Variants in ARHGAP44 observed in about 807,000 individuals in gnomAD.
ARHGAP44 encodes the protein rho GTPase-activating protein 44.
In ARHGAP44, 43 loss-of-function variants were observed where a neutral mutation model predicts 106.8. That is an observed-to-expected ratio of 0.40 (90% CI 0.32 to 0.52). The LOEUF (loss-of-function observed/expected upper bound fraction) is 0.52, where lower values mean the gene tolerates loss of function less well. ARHGAP44 is among the 20% of genes least tolerant of loss of function. The probability of loss-of-function intolerance (pLI) is 0.48; values close to 1 mark genes in which losing one functional copy is unlikely to be tolerated. For missense variants in ARHGAP44, 866 were observed against 1,050.5 expected (o/e 0.82, Z 2.43); for synonymous variants, 439 against 410.3 (o/e 1.07, Z -0.85).
intron 1 of ARHGAP44, 66 bp downstream of exon 1, chr17:12,789,957 G>A: frequency 7.0e-7 from 1 of 1,424,740 alleles, no homozygotes; most frequent in Non-Finnish European, 9.4e-7. Flanking sequence ...GGGCGCGCAG[G>A]TGATGGAGCC....
chr17:12,831,997 C>A (rs1158465052), intron 1 of ARHGAP44, among the ~76,000 whole-genome samples: 5 of 152,142 alleles, frequency 3.3e-5, no homozygotes, highest in Non-Finnish European at 4.4e-5. Flanking sequence ...TAGGCCAAGA[C>A]TGAAGCCTAG....
intron 16 of ARHGAP44, among the ~76,000 whole-genome samples, chr17:12,960,579 GAAAGAGAGT>G (rs1028161574): frequency 7.3e-5 from 11 of 151,704 alleles, no homozygotes; most frequent in Non-Finnish European, 1.2e-4. Flanking sequence ...GAAAAAAAAA[GAAAGAGAGT>G]CTCGCTCTGT....
chr17:12,875,484 C>T (rs1281330699), intron 1 of ARHGAP44, among the ~76,000 whole-genome samples: 2 of 151,814 alleles, frequency 1.3e-5, no homozygotes, highest in South Asian at 2.1e-4. Flanking sequence ...GTCCCCAGCT[C>T]GGGAGGCTGA....
chr17:12,891,479 C>T (rs1161858251), intron 1 of ARHGAP44, among the ~76,000 whole-genome samples: 3 of 152,124 alleles, frequency 2.0e-5, no homozygotes, highest in African/African-American at 7.2e-5. Context: ...TCACGTTGTC[C>T]TTTTATAAGA....
At chr17:12,793,583 C>G (rs1304831420) in intron 1 of ARHGAP44, among the ~76,000 whole-genome samples, 4 of 152,170 alleles carry the variant, frequency 2.6e-5, no homozygotes, top group Non-Finnish European at 2.9e-5. Context: ...TGGCGGGCGC[C>G]TGTAATCCCA....
intron 1 of ARHGAP44, among the ~76,000 whole-genome samples, chr17:12,799,060 C>G (rs1261016029): frequency 6.6e-6 from 1 of 152,140 alleles, no homozygotes. Flanking sequence ...AGTTTTGCCC[C>G]AGAGGAAGTC....
chr17:12,942,420 A>G (rs2038735625), intron 8 of ARHGAP44, among the ~76,000 whole-genome samples: 1 of 152,196 alleles, frequency 6.6e-6, no homozygotes, highest in African/African-American at 2.4e-5. Flanking sequence ...TGCTGGGATT[A>G]TAGGCGTGAG....
At chr17:12,903,134 AGAGAGAGTGTGTGT>A in intron 3 of ARHGAP44, among the ~76,000 whole-genome samples, 1 of 127,328 alleles carries the variant, frequency 7.9e-6, no homozygotes, top group South Asian at 2.7e-4. Flanking sequence ...GAGGAGAGAG[AGAGAGAGTGTGTGT>A]GTGTGTGTGT....
At chr17:12,976,632 A>AG (rs2143368778) in intron 18 of ARHGAP44, among the ~76,000 whole-genome samples, 1 of 151,060 alleles carries the variant, frequency 6.6e-6, no homozygotes, top group South Asian at 2.1e-4. Context: ...AAAAAAAAAA[A>AG]GTATTTTCAC....
At chr17:12,921,223 C>G (rs921989115) in intron 6 of ARHGAP44, among the ~76,000 whole-genome samples, 1 of 152,056 alleles carries the variant, frequency 6.6e-6, no homozygotes, top group South Asian at 2.1e-4. Context: ...CCTGCCACCA[C>G]GCTCAGCTAA....
rs377561258 is a variant in ARHGAP44, at chr17:12,944,124, C to T, written c.789C>T (p.Ile263=). ...FGKPLEEHLT[I]SGREIAFPIE... is the part of the protein sequence containing the mutation. ...AGCCGCTGGAGGAGCACCTCACCATCAGCGGCCGGGAGATCGCCTTCCCCA... is the reference window on the plus strand; with the variant it reads ...AGCCGCTGGAGGAGCACCTCACCATTAGCGGCCGGGAGATCGCCTTCCCCA... Residue 263 remains isoleucine, a synonymous_variant, in exon 10 of 21, where the codon ATC becomes ATT. Transcript: ENST00000379672. The T allele has an allele frequency of 1.9e-5, 30 of 1,612,878 alleles. No homozygotes were observed. The highest frequency in any genetic ancestry group is 1.3e-4 in the East Asian group (6 of 44,852).
intron 7 of ARHGAP44, 53 bp downstream of exon 7, chr17:12,929,099 G>T: frequency 6.6e-7 from 1 of 1,514,886 alleles, no homozygotes; most frequent in Non-Finnish European, 9.0e-7. Flanking sequence ...AGCCCTCAGG[G>T]ATTCCCTTTT....
intron 18 of ARHGAP44, among the ~76,000 whole-genome samples, chr17:12,979,691 TG>T (rs1279603787): frequency 1.3e-5 from 2 of 152,196 alleles, no homozygotes; most frequent in Admixed American, 6.5e-5. Flanking sequence ...AGCACTTTGG[TG>T]TTCCAGTTTG....
rs1212172638 is a variant in ARHGAP44, at chr17:12,949,895, G to A, written c.1055+165G>A. ...CCAAGGAGGCAGGTCCAGGGATATT[G>A]ATGGTAGCATTATCTGAGATAGCAG... is the stretch of plus-strand genomic sequence containing the variant. On this transcript the variant is annotated intron_variant, in intron 12 of 20. Transcript: ENST00000379672. This position sits in a 1 kb window ranked among gnomAD's most constrained non-coding sequence, Gnocchi z 4.1. 1.3e-5 allele frequency among the ~76,000 whole-genome samples: 2 copies of A among 152,204 alleles called. No homozygotes were observed. The highest frequency in any genetic ancestry group is 2.9e-5 in the Non-Finnish European group (2 of 68,036).
intron 16 of ARHGAP44, among the ~76,000 whole-genome samples, chr17:12,968,190 C>G (rs1162792826): frequency 2.0e-5 from 3 of 152,268 alleles, no homozygotes; most frequent in Non-Finnish European, 4.4e-5. Context: ...ATGAGGCGTC[C>G]CGATCCAGCC....
rs865794072 is a variant in ARHGAP44 at position 12,848,300 on chromosome 17, G to A, written c.54-46640G>A. 2.6e-5 allele frequency among the ~76,000 whole-genome samples: 4 copies of A among 151,590 alleles called. No homozygotes were observed. The East Asian group carries it at 5.8e-4, about 22-fold the overall frequency. The stretch of plus-strand genomic sequence containing the variant: ...GGGTAGAAGTGCCATTTTTTTTCCC[G>A]AAAAAATGCCATCTCTCCTGGGATC... On this transcript the variant is annotated intron_variant, in intron 1 of 20. Transcript: ENST00000379672.
chr17:12,961,898 G>A (rs72635536), intron 16 of ARHGAP44, among the ~76,000 whole-genome samples: 25,109 of 152,048 alleles, frequency 0.17, 2,443 homozygotes, highest in East Asian at 0.48. Flanking sequence ...GGAGAGAGGA[G>A]AGAAATTTGC....
At chr17:12,950,807 G>A (rs2038975218) in intron 12 of ARHGAP44, among the ~76,000 whole-genome samples, 1 of 152,168 alleles carries the variant, frequency 6.6e-6, no homozygotes, top group Non-Finnish European at 1.5e-5. Flanking sequence ...GAAAGGAAAT[G>A]ATTTCTAGAG....
At chr17:12,808,727 A>G (rs895868840) in intron 1 of ARHGAP44, among the ~76,000 whole-genome samples, 1 of 152,130 alleles carries the variant, frequency 6.6e-6, no homozygotes, top group Non-Finnish European at 1.5e-5. Context: ...TGCCCTGGGG[A>G]CATTTTCTCC....
Sources: gnomAD v4.1 joint callset for allele counts (sites outside exome capture counted in the v4.1 genomes callset) on GRCh38, gnomAD v4.1.1 for gene constraint, Gnocchi (gnomAD v3.1) non-coding constraint, MANE v1.5 for transcripts, NCBI Gene and HGNC (gene_info 2026-07-23, HGNC 2026-07-21) for gene names.